The following SCFD1 variants were observed in gnomAD, a reference collection of about 807,000 sequenced individuals.
The protein encoded by SCFD1 is sec1 family domain-containing protein 1.
A neutral mutation model predicts 103.2 loss-of-function variants in SCFD1; 37 were observed. The observed-to-expected ratio is 0.36, with a 90% CI of 0.28 to 0.47. The LOEUF (loss-of-function observed/expected upper bound fraction) is 0.47. Among genes scored for constraint, SCFD1 ranks in the 20% least tolerant of loss-of-function variants. The pLI is 1.00. For missense variants in SCFD1, 639 were observed against 761.2 expected, an observed-to-expected ratio of 0.84 and a Z score of 1.89; for synonymous variants, 264 against 245.0, an observed-to-expected ratio of 1.08 and a Z score of -0.73.
intron 21 of SCFD1, chr14:30,721,658 AT>A (rs1892659038): frequency 2.0e-6 from 1 of 511,772 alleles, no homozygotes; most frequent in Admixed American, 4.2e-5. Context: ...GGGTTGACCC[AT>A]TTCCTTTTAG....
chr14:30,664,352 A>G (rs1312434861), intron 10 of SCFD1, among the ~76,000 whole-genome samples: 1 of 152,074 alleles, frequency 6.6e-6, no homozygotes, highest in African/African-American at 2.4e-5. Context: ...AATAGCATCA[A>G]CCTCAACAAA....
intron 17 of SCFD1, among the ~76,000 whole-genome samples, chr14:30,704,184 T>A (rs891346697): frequency 6.6e-6 from 1 of 151,798 alleles, no homozygotes; most frequent in East Asian, 1.9e-4. Context: ...TATGACAGAT[T>A]TTTTTTCTAG....
intron 18 of SCFD1, among the ~76,000 whole-genome samples, chr14:30,707,362 TTTG>T (rs775086932): frequency 3.3e-5 from 5 of 152,132 alleles, no homozygotes; most frequent in African/African-American, 7.2e-5. Flanking sequence ...TTATTGGTGT[TTTG>T]TTGTTGTTGT....
intron 14 of SCFD1, among the ~76,000 whole-genome samples, chr14:30,679,189 T>C (rs543243282): frequency 2.2e-4 from 33 of 152,256 alleles, no homozygotes; most frequent in African/African-American, 7.5e-4. Context: ...AACAATTTCC[T>C]TATTATCATC....
intron 10 of SCFD1, among the ~76,000 whole-genome samples, chr14:30,660,953 C>T (rs1034822967): frequency 6.6e-6 from 1 of 152,076 alleles, no homozygotes; most frequent in Non-Finnish European, 1.5e-5. Context: ...TGGCTGCATC[C>T]GTTTCTCAAA....
chr14:30,690,694 G>A (rs1044574304), intron 14 of SCFD1, among the ~76,000 whole-genome samples: 8 of 148,918 alleles, frequency 5.4e-5, no homozygotes, highest in African/African-American at 1.0e-4. Flanking sequence ...ACACACACTG[G>A]CCTGCGCCCA....
At chr14:30,672,746 G>T (rs761896823) in intron 11 of SCFD1, among the ~76,000 whole-genome samples, 6 of 152,118 alleles carry the variant, frequency 3.9e-5, no homozygotes, top group Non-Finnish European at 7.4e-5. Flanking sequence ...TGGCCCAAGT[G>T]CTATTTTTAC....
intron 10 of SCFD1, among the ~76,000 whole-genome samples, chr14:30,657,932 A>G (rs1181477900): frequency 1.3e-5 from 2 of 152,038 alleles, no homozygotes; most frequent in Non-Finnish European, 2.9e-5. Context: ...CAGAAAGATG[A>G]TTTTTCTCAT....
intron 19 of SCFD1, among the ~76,000 whole-genome samples, chr14:30,709,433 A>G (rs1392217913): frequency 6.6e-6 from 1 of 151,986 alleles, no homozygotes; most frequent in African/African-American, 2.4e-5. Flanking sequence ...GGGTTTCACT[A>G]TGTCGCCCAG....
chr14:30,636,484 T>C (rs552444993), intron 4 of SCFD1, among the ~76,000 whole-genome samples: 5 of 152,230 alleles, frequency 3.3e-5, no homozygotes, highest in Non-Finnish European at 5.9e-5. Flanking sequence ...TTAAAGAGAC[T>C]ATTCTTTCCC....
chr14:30,706,993 C>A (rs1239554309), intron 18 of SCFD1, among the ~76,000 whole-genome samples: 1 of 152,184 alleles, frequency 6.6e-6, no homozygotes, highest in South Asian at 2.1e-4. Flanking sequence ...GGATTACTTT[C>A]TCTTGCTTCT....
At position 30,639,779 on chromosome 14, in the gene SCFD1, T is replaced by A. The variant is rs773878436; in HGVS notation, c.438T>A (p.Val146=). 8.3e-6 allele frequency: 13 copies of A among 1,573,284 alleles called. No individual in the cohort carries two copies. The South Asian group carries it at 1.4e-4, about 17-fold the overall frequency. ...TAAACCTTTTCTTTTGTTTCTAGGT[T>A]TTTGACCAATATCTCAATTTTATTA... ...AASAVTQVAK[V]FDQYLNFITL... The change falls in exon 6 of 25, where the codon GTT becomes GTA. Residue 146 remains valine, a splice_region_variant and synonymous_variant. Coordinates refer to ENST00000458591, the MANE Select transcript of SCFD1 (RefSeq NM_016106.4).
At position 30,672,517 on chromosome 14, in the gene SCFD1, A is replaced by G. The variant is rs548008604; in HGVS notation, c.996-740A>G. Among the ~76,000 whole-genome samples the G allele has an allele frequency of 2.6e-4, 39 of 152,298 alleles. 1 individual carries two copies. In the South Asian group the frequency reaches 7.9e-3, roughly 31 times the overall value. On this transcript the variant is annotated intron_variant, in intron 11 of 24. Coordinates refer to ENST00000458591, the MANE Select transcript of SCFD1 (RefSeq NM_016106.4). ...ATGACCTTTTCTTTCTTAAAGGAGA[A>G]AAGGCTTCTGGCCTCCCCCTAGGCT... is the stretch of plus-strand genomic sequence containing the variant.
chr14:30,734,905 G>T, intron 24 of SCFD1, 47 bp downstream of exon 24: 2 of 1,420,620 alleles, frequency 1.4e-6, no homozygotes, highest in Non-Finnish European at 2.0e-6. Context: ...ACCCCTAGTT[G>T]CTATTGGTAT....
chr14:30,638,717 A>T lies in SCFD1; in HGVS notation c.435+470A>T, dbSNP rs966331012. On this transcript the variant is annotated intron_variant, in intron 5 of 24. Coordinates refer to ENST00000458591, the MANE Select transcript of SCFD1 (RefSeq NM_016106.4). ...GTGCCTCTGTTGCATATTAAGAGAA[A>T]AAGAACCCATGACAGGCCTGCAATT... Among the ~76,000 whole-genome samples, 4 of 152,294 alleles carry T rather than the reference A, an allele frequency of 2.6e-5. No individual in the cohort carries two copies. The South Asian group carries it at 8.3e-4, about 32-fold the overall frequency.
chr14:30,661,237 CAT>C (rs1017577966), intron 10 of SCFD1, among the ~76,000 whole-genome samples: 1 of 152,130 alleles, frequency 6.6e-6, no homozygotes, highest in African/African-American at 2.4e-5. Flanking sequence ...TCCTAACAAA[CAT>C]GTTTTAATCC....
Position 30,663,039 on chromosome 14 carries a change from T to A in SCFD1, c.856-7217T>A, listed in dbSNP as rs114683859. On this transcript the variant is annotated intron_variant, in intron 10 of 24. Coordinates refer to ENST00000458591, the MANE Select transcript of SCFD1 (RefSeq NM_016106.4). ...TGATTGAGTACAGCACAGGATGTTT[T>A]AATTTCCTAACTTGGAAGATTGAAA... 3.7e-3 allele frequency among the ~76,000 whole-genome samples: 558 copies of A among 152,356 alleles called. 7 individuals carry two copies. Among genetic ancestry groups the A allele is most frequent in the African/African-American group, 0.013 (528 of 41,584 alleles).
In SCFD1 at chr14:30,622,605, AGCGGTGG is replaced by A. The variant is rs1340884397; in HGVS notation, c.61+211_61+217del. ...CCTGTGGTGCAGGAGAAGGAGCTTC[AGCGGTGG>A]GCGGATTGCTACGGCCCTGCTCTTG... On this transcript the variant is annotated intron_variant, in intron 1 of 24. Coordinates refer to ENST00000458591, the MANE Select transcript of SCFD1 (RefSeq NM_016106.4). 3 of 856,714 alleles carry A rather than the reference AGCGGTGG, an allele frequency of 3.5e-6. No homozygotes were observed. In the Admixed American group the frequency reaches 9.5e-5, roughly 27 times the overall value. The allele number at this position is 856,714 out of a possible 1,614,324, so 53.1% of individuals were successfully genotyped here.
At chr14:30,644,291 A>C (rs992368653) in intron 7 of SCFD1, among the ~76,000 whole-genome samples, 5 of 152,210 alleles carry the variant, frequency 3.3e-5, no homozygotes, top group African/African-American at 1.2e-4. Context: ...GCTATTGTGA[A>C]TATTACAGCA....
Sources: gnomAD v4.1 joint callset for allele counts (sites outside exome capture counted in the v4.1 genomes callset) on GRCh38, gnomAD v4.1.1 for gene constraint, MANE v1.5 for transcripts, NCBI Gene and HGNC (gene_info 2026-07-23, HGNC 2026-07-21) for gene names.